The following PIEZO1 variants were observed in gnomAD, a reference collection of about 807,000 sequenced individuals.
PIEZO1 encodes the protein piezo-type mechanosensitive ion channel component 1.
Under a neutral mutation model 297.2 loss-of-function variants are expected in PIEZO1, and 296 were observed. The observed-to-expected ratio is 1.00, with a 90% CI of 0.91 to 1.10. The LOEUF (loss-of-function observed/expected upper bound fraction) is 1.10. PIEZO1 is among the 50% of genes least tolerant of loss of function. PIEZO1 has a pLI of 0.00. For synonymous variants in PIEZO1, 2,427 were observed against 1,507.5 expected (o/e 1.61, Z -14.13); for missense variants, 5,018 against 3,455.5 (o/e 1.45, Z -11.34).
At chr16:88,762,206 G>A (rs962161404) in intron 1 of PIEZO1, among the ~76,000 whole-genome samples, 7 of 145,020 alleles carry the variant, frequency 4.8e-5, no homozygotes, top group African/African-American at 1.2e-4. Flanking sequence ...TCTCCCTCCC[G>A]GCCCACCCAG....
At chr16:88,745,317 C>T (rs74033387) in intron 2 of PIEZO1, 20,084 of 102,358 alleles carry the variant, frequency 0.2, 1,534 homozygotes, top group Non-Finnish European at 0.24. Context: ...CTCTGGCCGG[C>T]AACCGCCCTT....
At position 88,734,937 on chromosome 16, in the gene PIEZO1, G is replaced by A. The variant is rs769790310; in HGVS notation, c.1786C>T (p.Arg596Cys). 8.4e-6 allele frequency: 13 copies of A among 1,550,474 alleles called. No homozygotes were observed. The highest frequency in any genetic ancestry group is 8.3e-5 in the South Asian group (7 of 84,070). Reference protein sequence around the residue: ...GMFIVVSFAGRLVVYKIVYMF... With the variant: ...GMFIVVSFAGCLVVYKIVYMF... ...TAGACAATCTTGTAGACCACGAGGC[G>A]GCCGGCGAAGCTGACCACGATGAAC... The change falls in exon 14 of 51, where the codon CGC becomes TGC. Residue 596 changes from arginine to cysteine, a missense_variant. Physicochemically the swap from Arg to Cys is radical, Grantham distance 180. Transcript: ENST00000301015.
intron 15 of PIEZO1, 41 bp downstream of exon 15, chr16:88,734,609 G>A (rs1905081011): frequency 6.5e-7 from 1 of 1,549,322 alleles, no homozygotes; most frequent in Non-Finnish European, 8.7e-7. Flanking sequence ...AAGTGCACGG[G>A]GTTTCGGCGC....
chr16:88,736,895 T>C lies in PIEZO1; in HGVS notation c.1196-156A>G, dbSNP rs1450720078. The C allele has an allele frequency of 9.5e-6, 5 of 523,646 alleles. No individual in the cohort carries two copies. In the African/African-American group the frequency reaches 1.1e-4, roughly 11 times the overall value. The allele number at this position is 523,646 out of a possible 1,614,324, so 32.4% of individuals were successfully genotyped here. A position where few individuals can be genotyped will look rare whatever the true frequency, so the allele number is the denominator to read the frequency against. On this transcript the variant is annotated intron_variant, in intron 10 of 50. Coordinates refer to ENST00000301015, the MANE Select transcript of PIEZO1 (RefSeq NM_001142864.4). ...AACACGAGGGCTCCGGCAATTGGGC[T>C]GACACCGTCCCTGAGCGTCAGGGAT...
chr16:88,776,126 C>G (rs796103552), intron 1 of PIEZO1, among the ~76,000 whole-genome samples: 31 of 152,346 alleles, frequency 2.0e-4, no homozygotes, highest in African/African-American at 7.5e-4. Context: ...AGATCCCACA[C>G]TGTGGTGCAC....
intron 27 of PIEZO1, 185 bp from the exon 28 acceptor site, chr16:88,725,869 C>G (rs1215542191): frequency 3.3e-6 from 2 of 601,030 alleles, no homozygotes; most frequent in Non-Finnish European, 6.0e-6. Flanking sequence ...CGAGGACAGG[C>G]CCTTCTGCCG....
chr16:88,772,734 G>A lies in PIEZO1; in HGVS notation c.64+12167C>T, dbSNP rs577567487. Among the ~76,000 whole-genome samples, 25 of 149,994 alleles carry A rather than the reference G, an allele frequency of 1.7e-4. No homozygotes were observed. In the East Asian group the frequency reaches 4.3e-3, roughly 26 times the overall value. ...GCGAAGGTGGCAGTGAGCTGAGATC[G>A]TGCCACTGCATTCCAGCCTGGCCAA... On this transcript the variant is annotated intron_variant, in intron 1 of 50. Transcript: ENST00000301015.
In PIEZO1 at chr16:88,725,611, C is replaced by T. The variant is rs1280301268; in HGVS notation, c.4042G>A (p.Ala1348Thr). ...GGCACCTACTGTCTTTTCAGCTGGG[C>T]CAGGGACTTCTCCTCTATCCTGCGG... ...FHRRIEEKSL[A>T]QLKRQMERIR... Residue 1348 changes from alanine (A) to threonine (T), a missense_variant, in exon 28 of 51, where the codon GCC (alanine) becomes ACC (threonine). Coordinates refer to ENST00000301015, the MANE Select transcript of PIEZO1 (RefSeq NM_001142864.4). 2.6e-6 allele frequency: 4 copies of T among 1,548,812 alleles called. No individual in the cohort carries two copies. Among genetic ancestry groups the T allele is most frequent in the African/African-American group, 1.4e-5 (1 of 73,098 alleles).
intron 1 of PIEZO1, among the ~76,000 whole-genome samples, chr16:88,756,124 C>T (rs567240323): frequency 1.8e-4 from 27 of 152,244 alleles, no homozygotes; most frequent in Non-Finnish European, 1.6e-4. Flanking sequence ...TGGGGCTCTG[C>T]GGCCGCCATC....
At chr16:88,723,045 C>A in intron 33 of PIEZO1, 36 bp from the exon 34 acceptor site, 1 of 1,543,688 alleles carries the variant, frequency 6.5e-7, no homozygotes, top group South Asian at 1.2e-5. Context: ...GGAGGGGCAG[C>A]CTGTGGGGCC....
rs979682703 is a variant in PIEZO1 at position 88,737,557 on chromosome 16, A to G, written c.1195+2T>C. On this transcript the variant is annotated splice_donor_variant, in intron 10 of 50. Transcript: ENST00000301015. LOFTEE classifies it high-confidence loss of function. ...CCATACCTTGCAGTGTGCGGTACTC[A>G]CCAGGCCGCCGCAGGACGGAGCTCT... The G allele has an allele frequency of 6.5e-7, 1 of 1,529,894 alleles. No homozygotes were observed. Among genetic ancestry groups the G allele is most frequent in the South Asian group, 1.2e-5 (1 of 83,882 alleles). The allele number at this position is 1,529,894 out of a possible 1,614,324, so 94.8% of individuals were successfully genotyped here.
chr16:88,732,050 C>A, intron 21 of PIEZO1, 140 bp from the exon 22 acceptor site: 3 of 169,040 alleles, frequency 1.8e-5, no homozygotes, highest in Middle Eastern at 1.7e-3. Context: ...GCCAGCGGCG[C>A]TGTCAAGAGG....
chr16:88,723,220 G>A lies in PIEZO1; in HGVS notation c.4438+6C>T, dbSNP rs1381662332. 6.5e-7 allele frequency: 1 copy of A among 1,548,074 alleles called. No homozygotes were observed. Among genetic ancestry groups the A allele is most frequent in the Admixed American group, 2.0e-5 (1 of 51,004 alleles). On this transcript the variant is annotated splice_donor_region_variant and intron_variant, in intron 32 of 50. Transcript: ENST00000301015. ...CCCCTCAGAGTCCCCACGCCCCCCA[G>A]CTCACCTGTGGGTAGCTGTCCTGCC... is the stretch of plus-strand genomic sequence containing the variant.
intron 22 of PIEZO1, 57 bp downstream of exon 22, chr16:88,731,649 C>A (rs1904816043): frequency 7.2e-7 from 1 of 1,391,234 alleles, no homozygotes; most frequent in South Asian, 1.3e-5. Context: ...GGAAACACCC[C>A]CACGGGCATC....
rs1904285360 is a variant in PIEZO1, at chr16:88,722,302, G to A, written c.4871C>T (p.Ala1624Val). 1 of 1,548,062 alleles carries A rather than the reference G, an allele frequency of 6.5e-7. No individual in the cohort carries two copies. Among genetic ancestry groups the A allele is most frequent in the Non-Finnish European group, 8.7e-7 (1 of 1,146,518 alleles). Residue 1624 changes from alanine to valine, a missense_variant, in exon 36 of 51, where the codon GCA becomes GTA. Physicochemically the swap from Ala to Val is moderately conservative, Grantham distance 64 (BLOSUM62 0). Coordinates refer to ENST00000301015, the MANE Select transcript of PIEZO1 (RefSeq NM_001142864.4). ...CTCACGCTCCCCGGGGTCGGTGACT[G>A]CCTCCTCACTGCCACTGCGCGTGTG... ...GYHTRSGSEE[A>V]VTDPGEREAG...
intron 2 of PIEZO1, 85 bp from the exon 3 acceptor site, chr16:88,742,507 G>C: frequency 7.0e-7 from 1 of 1,430,302 alleles, no homozygotes; most frequent in Non-Finnish European, 9.4e-7. Context: ...ATAGCCCCCA[G>C]CCCGGCCAGA....
intron 44 of PIEZO1, 104 bp from the exon 45 acceptor site, chr16:88,717,315 A>G: frequency 9.9e-7 from 1 of 1,012,398 alleles, no homozygotes; most frequent in South Asian, 1.4e-5. Context: ...CCCCAGCCTG[A>G]CCTCAGTATG....
At position 88,723,089 on chromosome 16, in the gene PIEZO1, A is replaced by T; in HGVS notation, c.4495+6T>A. The T allele has an allele frequency of 6.5e-7, 1 of 1,547,232 alleles. No homozygotes were observed. The highest frequency in any genetic ancestry group is 2.4e-5 in the East Asian group (1 of 40,906). Reference sequence around the variant, plus strand: ...CCTCCCACTCCCCAGCCCCGGGCCCACGTACCTGCCGCTGCCTCCTCGGGG... The same window carrying T: ...CCTCCCACTCCCCAGCCCCGGGCCCTCGTACCTGCCGCTGCCTCCTCGGGG... On this transcript the variant is annotated splice_donor_region_variant and intron_variant, in intron 33 of 50. Coordinates refer to ENST00000301015, the MANE Select transcript of PIEZO1 (RefSeq NM_001142864.4).
At chr16:88,749,092 A>T (rs1471202908) in intron 2 of PIEZO1, among the ~76,000 whole-genome samples, 47 of 150,762 alleles carry the variant, frequency 3.1e-4, no homozygotes, top group South Asian at 1.0e-3. Context: ...AAAAAAAAAT[A>T]AGCCAGGCGT....
Sources: allele counts gnomAD v4.1 joint callset (sites outside exome capture counted in the v4.1 genomes callset), GRCh38; gene constraint gnomAD v4.1.1; transcripts MANE v1.5; gene names NCBI Gene and HGNC (gene_info 2026-07-23, HGNC 2026-07-21).